The following PARD3 variants were observed in gnomAD, a reference collection of about 807,000 sequenced individuals.
PARD3 encodes par-3 family cell polarity regulator, also known as partitioning defective 3 homolog.
Under a neutral mutation model 155.4 loss-of-function variants are expected in PARD3, and 75 were observed. The ratio of observed to expected loss-of-function variants is 0.48; its 90% CI spans 0.40 to 0.58. The LOEUF (loss-of-function observed/expected upper bound fraction) is 0.58, where lower values mean the gene tolerates loss of function less well. Among genes scored for constraint, PARD3 ranks in the 20% least tolerant of loss-of-function variants. The pLI is 0.00. For synonymous variants in PARD3, 576 were observed against 610.5 expected, an observed-to-expected ratio of 0.94 and a Z score of 0.83; for missense variants, 1,642 against 1,721.7, an observed-to-expected ratio of 0.95 and a Z score of 0.82.
At chr10:34,648,461 C>G (rs1043433040) in intron 2 of PARD3, among the ~76,000 whole-genome samples, 2 of 152,058 alleles carry the variant, frequency 1.3e-5, no homozygotes, top group African/African-American at 4.8e-5. Context: ...TTTTTTTTGG[C>G]AACAAGGACC....
At position 34,421,288 on chromosome 10, in the gene PARD3, CTTA is replaced by C. The variant is rs770736615; in HGVS notation, c.715-19374_715-19372del. Among the ~76,000 whole-genome samples, 90 of 150,742 alleles carry C rather than the reference CTTA, an allele frequency of 6.0e-4. 1 individual carries two copies. The highest frequency in any genetic ancestry group is 1.5e-3 in the South Asian group (7 of 4,764). On this transcript the variant is annotated intron_variant, in intron 5 of 24. Transcript: ENST00000374788. ...TTAACATATATAAGTTATTGTACTACTTATTAATAATTATTATAACTAGTTATT... is the reference window on the plus strand; with the variant it reads ...TTAACATATATAAGTTATTGTACTACTTAATAATTATTATAACTAGTTATT...
chr10:34,639,134 A>C (rs917903950), intron 2 of PARD3, among the ~76,000 whole-genome samples: 2 of 152,150 alleles, frequency 1.3e-5, no homozygotes, highest in African/African-American at 2.4e-5. Context: ...AGTGGCTCAC[A>C]CCTGTAATCC....
intron 3 of PARD3, among the ~76,000 whole-genome samples, chr10:34,484,516 TTTTGTTGTTGTTG>T (rs1466583423): frequency 6.6e-6 from 1 of 152,106 alleles, no homozygotes; most frequent in African/African-American, 2.4e-5. Flanking sequence ...CTAACATAGT[TTTTGTTGTTGTTG>T]TTTGTTGTTG....
chr10:34,410,299 GTTTTT>G, intron 5 of PARD3, among the ~76,000 whole-genome samples: 1 of 146,454 alleles, frequency 6.8e-6, no homozygotes, highest in South Asian at 2.2e-4. Flanking sequence ...TTTACTTTCA[GTTTTT>G]TTTTTAGATC....
Position 34,348,106 on chromosome 10 carries a change from G to A in PARD3, c.2077C>T (p.Pro693Ser), listed in dbSNP as rs757696925. 9 of 1,608,204 alleles carry A rather than the reference G, an allele frequency of 5.6e-6. No individual in the cohort carries two copies. The East Asian group carries it at 2.0e-4, about 36-fold the overall frequency. The change falls in exon 15 of 25, where the codon CCT becomes TCT. Residue 693 changes from proline to serine, a missense_variant. Coordinates refer to ENST00000374788, the MANE Select transcript of PARD3 (RefSeq NM_001184785.2). Reference sequence around the variant, plus strand: ...AGCTCAGGTCCAGGGGGGCTCCCAGGTGACTTCAGCTACAGAGTAACGGGT... The same window carrying A: ...AGCTCAGGTCCAGGGGGGCTCCCAGATGACTTCAGCTACAGAGTAACGGGT... ...RISKCNELKS[P>S]GSPPGPELPI...
intron 21 of PARD3, among the ~76,000 whole-genome samples, chr10:34,275,007 T>C (rs1955808025): frequency 6.6e-6 from 1 of 152,158 alleles, no homozygotes; most frequent in Non-Finnish European, 1.5e-5. Flanking sequence ...AGTCAATTTC[T>C]AACAAGTCAA....
intron 22 of PARD3, among the ~76,000 whole-genome samples, chr10:34,214,745 A>C (rs965102313): frequency 2.0e-5 from 3 of 152,228 alleles, no homozygotes; most frequent in African/African-American, 7.2e-5. Flanking sequence ...TCATACAGAG[A>C]GGACCCTCTT....
intron 22 of PARD3, among the ~76,000 whole-genome samples, chr10:34,255,245 T>A (rs1029261596): frequency 2.6e-5 from 4 of 152,048 alleles, no homozygotes; most frequent in Admixed American, 6.5e-5. Flanking sequence ...AGAAAAAAAA[T>A]CACCGGAAGT....
At chr10:34,446,896 TTTC>T (rs1428916616) in intron 5 of PARD3, among the ~76,000 whole-genome samples, 1 of 152,234 alleles carries the variant, frequency 6.6e-6, no homozygotes, top group African/African-American at 2.4e-5. Context: ...ACATTTATGA[TTTC>T]TTTCTACAGC....
At chr10:34,498,354 C>T (rs2080431374) in intron 3 of PARD3, among the ~76,000 whole-genome samples, 1 of 152,138 alleles carries the variant, frequency 6.6e-6, no homozygotes, top group African/African-American at 2.4e-5. Flanking sequence ...AAATAATCCA[C>T]GGAATATAAC....
chr10:34,334,002 T>C (rs1340398390), intron 18 of PARD3, among the ~76,000 whole-genome samples: 1 of 151,880 alleles, frequency 6.6e-6, no homozygotes, highest in Non-Finnish European at 1.5e-5. Context: ...GTAATGAAAA[T>C]TGAAAAAGTC....
intron 4 of PARD3, among the ~76,000 whole-genome samples, chr10:34,457,230 C>T (rs2077384491): frequency 6.6e-6 from 1 of 152,118 alleles, no homozygotes. Context: ...CCTGGAGATG[C>T]AGGTCTGATC....
At chr10:34,745,255 C>T (rs570866779) in intron 1 of PARD3, among the ~76,000 whole-genome samples, 2 of 152,004 alleles carry the variant, frequency 1.3e-5, no homozygotes, top group African/African-American at 2.4e-5. Flanking sequence ...CCCAGATATT[C>T]GGAGGCTGAG....
intron 2 of PARD3, among the ~76,000 whole-genome samples, chr10:34,646,212 C>T (rs2092832377): frequency 6.6e-6 from 1 of 152,174 alleles, no homozygotes; most frequent in Non-Finnish European, 1.5e-5. Flanking sequence ...AGATGAATGA[C>T]TACAATTAGC....
chr10:34,696,453 A>G, intron 1 of PARD3, 34 bp from the exon 2 acceptor site: 3 of 1,255,154 alleles, frequency 2.4e-6, no homozygotes, highest in Non-Finnish European at 3.5e-6. Context: ...GAATATAGCA[A>G]GTTAGCATCA....
intron 2 of PARD3, among the ~76,000 whole-genome samples, chr10:34,611,126 T>C (rs1331888183): frequency 1.3e-5 from 2 of 152,114 alleles, no homozygotes; most frequent in Non-Finnish European, 2.9e-5. Context: ...TAGATGAAAA[T>C]CATGCACCTT....
chr10:34,612,027 C>T (rs1427037815), intron 2 of PARD3, among the ~76,000 whole-genome samples: 10 of 149,676 alleles, frequency 6.7e-5, no homozygotes, highest in African/African-American at 2.2e-4. Context: ...GGGGTTTCAC[C>T]GTGTTAGCCA....
intron 2 of PARD3, among the ~76,000 whole-genome samples, chr10:34,595,124 C>T (rs2089131634): frequency 2.0e-5 from 3 of 152,152 alleles, no homozygotes; most frequent in Admixed American, 6.5e-5. Flanking sequence ...CTTTTTAAGG[C>T]TTAAAAGTAA....
chr10:34,443,207 A>T (rs1011818787), intron 5 of PARD3, among the ~76,000 whole-genome samples: 1 of 152,174 alleles, frequency 6.6e-6, no homozygotes, highest in Admixed American at 6.5e-5. Flanking sequence ...ATTTTTAAAA[A>T]ACTGCCTCCA....
Sources: gnomAD v4.1 joint callset for allele counts (sites outside exome capture counted in the v4.1 genomes callset) on GRCh38, gnomAD v4.1.1 for gene constraint, MANE v1.5 for transcripts, NCBI Gene and HGNC (gene_info 2026-07-23, HGNC 2026-07-21) for gene names.